PLA2G4D: variants seen among roughly 807,000 people sequenced by gnomAD.
PLA2G4D encodes the protein cytosolic phospholipase A2 delta.
In PLA2G4D, 80 loss-of-function variants were observed where a neutral mutation model predicts 94.4. The ratio of observed to expected loss-of-function variants is 0.85; its 90% CI spans 0.71 to 1.02. PLA2G4D has a LOEUF of 1.02. PLA2G4D is among the 50% of genes least tolerant of loss of function. The probability of loss-of-function intolerance (pLI) is 0.00; values close to 1 mark genes in which losing one functional copy is unlikely to be tolerated. For missense variants in PLA2G4D, 1,050 were observed against 1,034.7 expected (o/e 1.01, Z -0.20); for synonymous variants, 438 against 440.9 (o/e 0.99, Z 0.08).
chr15:42,094,148 G>A (rs1405725733), intron 1 of PLA2G4D, among the ~76,000 whole-genome samples: 2 of 152,152 alleles, frequency 1.3e-5, no homozygotes, highest in Admixed American at 6.5e-5. Context: ...GTTCTCCGAT[G>A]ATGGTGGGGG....
intron 12 of PLA2G4D, among the ~76,000 whole-genome samples, chr15:42,080,088 A>C (rs769774294): frequency 2.0e-5 from 3 of 152,218 alleles, no homozygotes; most frequent in African/African-American, 7.2e-5. Context: ...TATTGATGTA[A>C]TTTCTATTTT....
chr15:42,081,184 T>C lies in PLA2G4D; in HGVS notation c.958-51A>G, dbSNP rs775997214. On this transcript the variant is annotated intron_variant, in intron 11 of 19. Coordinates refer to ENST00000290472, the MANE Select transcript of PLA2G4D (RefSeq NM_178034.4). ...TTAACAAGGAAAGGGGCCAGCTGCCTCCTGTCTCACCCAGGGCCCTGCCCC... is the reference window on the plus strand; with the variant it reads ...TTAACAAGGAAAGGGGCCAGCTGCCCCCTGTCTCACCCAGGGCCCTGCCCC... 3 of 1,592,382 alleles carry C rather than the reference T, an allele frequency of 1.9e-6. No individual in the cohort carries two copies. The East Asian group carries it at 6.7e-5, about 36-fold the overall frequency.
rs1398805839 is a variant in PLA2G4D at position 42,069,915 on chromosome 15, C to T, written c.2224G>A (p.Ala742Thr). 1.4e-6 allele frequency: 2 copies of T among 1,422,182 alleles called. No individual in the cohort carries two copies. The highest frequency in any genetic ancestry group is 3.1e-5 in the South Asian group (2 of 63,522). The allele number at this position is 1,422,182 out of a possible 1,614,324, so 88.1% of individuals were successfully genotyped here. ...TTGGGAGGGGCTGCCTCACCGGGGGCTGAGTGGTCCTTGAAGGAGGCATTG... is the reference window on the plus strand; with the variant it reads ...TTGGGAGGGGCTGCCTCACCGGGGGTTGAGTGGTCCTTGAAGGAGGCATTG... Reference protein sequence around the residue: ...LVNASFKDHSAPGVQRSPAEL... With the variant: ...LVNASFKDHSTPGVQRSPAEL... Residue 742 changes from alanine to threonine, a missense_variant, in exon 19 of 20, where the codon GCC (alanine) becomes ACC (threonine). Transcript: ENST00000290472.
At chr15:42,088,998 G>A (rs7176443) in intron 1 of PLA2G4D, among the ~76,000 whole-genome samples, 11,556 of 152,252 alleles carry the variant, frequency 0.076, 553 homozygotes, top group Middle Eastern at 0.13. Context: ...AACCCGTGCT[G>A]GGGCTTCTGC....
intron 2 of PLA2G4D, 90 bp downstream of exon 2, chr15:42,087,538 C>T: frequency 6.2e-7 from 1 of 1,603,164 alleles, no homozygotes; most frequent in Non-Finnish European, 8.5e-7. Context: ...CCGCAGGTGA[C>T]CCAGCCCAGC....
rs369952855 is a variant in PLA2G4D at position 42,079,487 on chromosome 15, C to T, written c.1317+50G>A. ...GTCAGCCGCTTGGGAGCCCTGCCTT[C>T]GCCCCCGCGGTGCACACACGCGTCT... On this transcript the variant is annotated intron_variant, in intron 13 of 19. Transcript: ENST00000290472. The T allele has an allele frequency of 2.0e-5, 30 of 1,518,394 alleles. No individual in the cohort carries two copies. In the African/African-American group the frequency reaches 2.6e-4, roughly 13 times the overall value. The allele number at this position is 1,518,394 out of a possible 1,614,324, so 94.1% of individuals were successfully genotyped here. A position where few individuals can be genotyped will look rare whatever the true frequency, so the allele number is the denominator to read the frequency against.
rs753634723 is a variant in PLA2G4D, at chr15:42,085,473, CTG to C, written c.428+16_428+17del. ...CCTGAGTCCTGAGACACTCCCTGGG[CTG>C]TGTGACATTACTCACGTTTCTTCCA... On this transcript the variant is annotated intron_variant, in intron 5 of 19. Coordinates refer to ENST00000290472, the MANE Select transcript of PLA2G4D (RefSeq NM_178034.4). 9 of 1,613,598 alleles carry C rather than the reference CTG, an allele frequency of 5.6e-6. No individual in the cohort carries two copies. Among genetic ancestry groups the C allele is most frequent in the Non-Finnish European group, 7.6e-6 (9 of 1,179,796 alleles).
intron 13 of PLA2G4D, 48 bp from the exon 14 acceptor site, chr15:42,072,440 G>A: frequency 6.7e-7 from 1 of 1,501,744 alleles, no homozygotes; most frequent in Non-Finnish European, 9.2e-7. Flanking sequence ...GAGTACCCTG[G>A]AGGCAGTGGC....
chr15:42,081,245 G>T, intron 11 of PLA2G4D, 112 bp from the exon 12 acceptor site: 1 of 1,498,558 alleles, frequency 6.7e-7, no homozygotes, highest in Admixed American at 2.1e-5. Context: ...GCATAGTTGG[G>T]TCCTGATAGA....
rs78905637 is a variant in PLA2G4D at position 42,072,470 on chromosome 15, G to C, written c.1318-78C>G. The C allele has an allele frequency of 4.3e-6, 5 of 1,174,188 alleles. No homozygotes were observed. The East Asian group carries it at 9.4e-5, about 22-fold the overall frequency. The allele number at this position is 1,174,188 out of a possible 1,614,324, so 72.7% of individuals were successfully genotyped here. ...AGTGGCTCCGCCAGGACAGGGGCAG[G>C]ATGGGGGACCTGGCTGGGGGTGAGG... On this transcript the variant is annotated intron_variant, in intron 13 of 19. Transcript: ENST00000290472.
intron 12 of PLA2G4D, 89 bp downstream of exon 12, chr15:42,080,908 C>T: frequency 1.4e-6 from 2 of 1,481,194 alleles, no homozygotes; most frequent in South Asian, 2.7e-5. Context: ...ACCTACTTGG[C>T]CTCCCCACAC....
chr15:42,086,989 C>G (rs1437508032), intron 3 of PLA2G4D, among the ~76,000 whole-genome samples: 1 of 152,218 alleles, frequency 6.6e-6, no homozygotes, highest in African/African-American at 2.4e-5. Context: ...CTTTCACGGT[C>G]TTCCACGCAT....
At chr15:42,087,217 A>G in intron 3 of PLA2G4D, 83 bp downstream of exon 3, 1 of 1,567,550 alleles carries the variant, frequency 6.4e-7, no homozygotes, top group Admixed American at 1.7e-5. Context: ...ACAGCCCCAG[A>G]GGAAGCATGC....
At position 42,071,440 on chromosome 15, in the gene PLA2G4D, C is replaced by A. The variant is rs1472561297; in HGVS notation, c.1681+4G>T. 1 of 1,608,914 alleles carries A rather than the reference C, an allele frequency of 6.2e-7. No individual in the cohort carries two copies. On this transcript the variant is annotated splice_donor_region_variant and intron_variant, in intron 16 of 19. Coordinates refer to ENST00000290472, the MANE Select transcript of PLA2G4D (RefSeq NM_178034.4). ...AGGCCCCTCAGTGCCCCTGCCCTTC[C>A]CACCTAAGCTCCTGGTCTTGTCCTT...
chr15:42,082,227 C>T, intron 9 of PLA2G4D, 52 bp downstream of exon 9: 1 of 1,473,704 alleles, frequency 6.8e-7, no homozygotes, highest in Non-Finnish European at 9.5e-7. Context: ...CCACAGAGCC[C>T]AGCCTTATCT....
intron 1 of PLA2G4D, among the ~76,000 whole-genome samples, chr15:42,090,037 G>A (rs969429651): frequency 1.3e-5 from 2 of 152,128 alleles, no homozygotes; most frequent in African/African-American, 2.4e-5. Flanking sequence ...TGGTATTATT[G>A]GGACAGTGAT....
At position 42,086,334 on chromosome 15, in the gene PLA2G4D, T is replaced by A; in HGVS notation, c.266A>T (p.Glu89Val). Reference sequence around the variant, plus strand: ...TGAGTCCTCATCATAGATGCTAAGCTCCAGAACATTCTAGGAACCAGGAAC... The same window carrying A: ...TGAGTCCTCATCATAGATGCTAAGCACCAGAACATTCTAGGAACCAGGAAC... ...LIQSQVKNVL[E>V]LSIYDEDSVT... is the part of the protein sequence containing the mutation. The change falls in exon 4 of 20, where the codon GAG (glutamate) becomes GTG (valine). Residue 89 changes from glutamate to valine, a missense_variant. Glu to Val is a moderately radical substitution (Grantham distance 121, BLOSUM62 -2). Transcript: ENST00000290472. 6.2e-7 allele frequency: 1 copy of A among 1,613,708 alleles called. No homozygotes were observed. The highest frequency in any genetic ancestry group is 8.5e-7 in the Non-Finnish European group (1 of 1,179,924).
intron 13 of PLA2G4D, among the ~76,000 whole-genome samples, chr15:42,077,192 A>G (rs1042969372): frequency 3.3e-5 from 5 of 152,206 alleles, no homozygotes. Context: ...AACTATTCCA[A>G]AAAATTGAAG....
In PLA2G4D at chr15:42,071,195, T is replaced by C; in HGVS notation, c.1804A>G (p.Ser602Gly). 1 of 1,613,454 alleles carries C rather than the reference T, an allele frequency of 6.2e-7. No homozygotes were observed. Residue 602 changes from serine (S) to glycine (G), a missense_variant, in exon 17 of 20, where the codon AGC becomes GGC. Transcript: ENST00000290472. The stretch of plus-strand genomic sequence containing the variant: ...TGGAGGCCCTGGAGGAAGTTGGGGC[T>C]GCGCTGGTGGAGGGGCCTGCCTGTC... ...FLTGRPLHQRSPNFLQGLQLH... is the reference protein window; with the variant it reads ...FLTGRPLHQRGPNFLQGLQLH...
Sources: allele counts gnomAD v4.1 joint callset (sites outside exome capture counted in the v4.1 genomes callset), GRCh38; gene constraint gnomAD v4.1.1; transcripts MANE v1.5; gene names NCBI Gene and HGNC (gene_info 2026-07-23, HGNC 2026-07-21).